The following OSBPL2 variants were observed in gnomAD, a reference collection of about 807,000 sequenced individuals.
OSBPL2 encodes the protein oxysterol-binding protein-related protein 2.
OSBPL2 carries 18 observed loss-of-function variants against 58.4 expected under a neutral mutation model. The ratio of observed to expected loss-of-function variants is 0.31; its 90% confidence interval spans 0.21 to 0.46. The LOEUF (loss-of-function observed/expected upper bound fraction) is 0.46, where lower values mean the gene tolerates loss of function less well. Ranked by LOEUF, OSBPL2 falls within the 20% of genes least tolerant of loss-of-function variation. The pLI, the probability that OSBPL2 is intolerant of heterozygous loss-of-function variation, is 1.00. For synonymous variants in OSBPL2, 221 were observed against 234.1 expected (o/e 0.94, Z 0.51); for missense variants, 461 against 616.5 (o/e 0.75, Z 2.67).
At chr20:62,279,960 G>T in intron 7 of OSBPL2, 4 of 1,303,826 alleles carry the variant, frequency 3.1e-6, no homozygotes, top group Non-Finnish European at 4.0e-6. Context: ...CCTCTGAGAG[G>T]CTGCTTGCCA....
chr20:62,266,492 C>A (rs935675273), intron 4 of OSBPL2, among the ~76,000 whole-genome samples: 1 of 152,170 alleles, frequency 6.6e-6, no homozygotes, highest in African/African-American at 2.4e-5. Flanking sequence ...GGCTGTGGCT[C>A]GTTCTGGATC....
chr20:62,283,906 A>T, intron 9 of OSBPL2, 140 bp from the exon 10 acceptor site: 1 of 818,430 alleles, frequency 1.2e-6, no homozygotes, highest in Non-Finnish European at 1.9e-6. Context: ...GCAAATTTTC[A>T]CCTTCGCATT....
At chr20:62,256,023 G>A (rs1326552572) in intron 1 of OSBPL2, 34 bp from the exon 2 acceptor site, 1 of 631,404 alleles carries the variant, frequency 1.6e-6, no homozygotes, top group Admixed American at 3.7e-5. Flanking sequence ...GAAACTTCTG[G>A]AAGCTAAGTA....
chr20:62,267,789 C>T (rs942805767), intron 4 of OSBPL2, among the ~76,000 whole-genome samples: 5 of 152,218 alleles, frequency 3.3e-5, no homozygotes, highest in Admixed American at 1.3e-4. Context: ...GCTCTGCTGC[C>T]GACAGTGTCT....
At chr20:62,251,976 G>A (rs6062170) in intron 1 of OSBPL2, among the ~76,000 whole-genome samples, 2 of 134,040 alleles carry the variant, frequency 1.5e-5, no homozygotes, top group African/African-American at 5.6e-5. Flanking sequence ...TGATGTCCCA[G>A]GCTCGAGTGA....
At chr20:62,240,681 T>A (rs1185588324) in intron 1 of OSBPL2, among the ~76,000 whole-genome samples, 1 of 152,252 alleles carries the variant, frequency 6.6e-6, no homozygotes, top group African/African-American at 2.4e-5. Flanking sequence ...TAGAATATTC[T>A]AATCATGCTG....
At chr20:62,275,665 C>G (rs1982341912) in intron 6 of OSBPL2, among the ~76,000 whole-genome samples, 1 of 151,954 alleles carries the variant, frequency 6.6e-6, no homozygotes, top group African/African-American at 2.4e-5. Flanking sequence ...CCAGGCTGCT[C>G]TTGAACTCCT....
chr20:62,272,367 C>A, intron 5 of OSBPL2, 108 bp downstream of exon 5: 1 of 1,221,108 alleles, frequency 8.2e-7, no homozygotes, highest in Non-Finnish European at 1.2e-6. Context: ...TCGCACAGCT[C>A]CCCCCAGTGT....
intron 6 of OSBPL2, among the ~76,000 whole-genome samples, chr20:62,276,846 G>A (rs1002639315): frequency 3.3e-5 from 5 of 152,252 alleles, no homozygotes; most frequent in Non-Finnish European, 7.3e-5. Flanking sequence ...CTCTTGAGCA[G>A]TATTCCTGTT....
intron 4 of OSBPL2, among the ~76,000 whole-genome samples, chr20:62,267,898 T>TATTG (rs59713495): frequency 2.8e-5 from 4 of 140,682 alleles, no homozygotes; most frequent in African/African-American, 1.0e-4. Flanking sequence ...TTTATTTATT[T>TATTG]TTTTGAGGGA....
In OSBPL2 at chr20:62,257,715, A is replaced by ATT. The variant is rs536036293; in HGVS notation, c.37+1510_37+1511dup. Among the ~76,000 whole-genome samples the ATT allele has an allele frequency of 8.7e-4, 112 of 129,236 alleles. 1 individual carries two copies. The highest frequency in any genetic ancestry group is 2.5e-3 in the African/African-American group (89 of 35,064). 84.8% of individuals were successfully genotyped at this position (129,236 alleles called of 152,430 possible). A position where few individuals can be genotyped will look rare whatever the true frequency, so the allele number is the denominator to read the frequency against. On this transcript the variant is annotated intron_variant, in intron 2 of 13. Coordinates refer to ENST00000313733, the MANE Select transcript of OSBPL2 (RefSeq NM_144498.4). ...GATACTTTCCCGAATACCTCTGGCC[A>ATT]TTTTTTTTTTTTTTTTTGAGCCAGA...
chr20:62,260,772 G>C (rs775531788), intron 3 of OSBPL2, among the ~76,000 whole-genome samples: 18 of 152,018 alleles, frequency 1.2e-4, no homozygotes, highest in Non-Finnish European at 2.4e-4. Context: ...TGGATCACTT[G>C]AGCCCAGGAG....
Position 62,295,795 on chromosome 20 carries a change from G to A in OSBPL2, c.*1908G>A, listed in dbSNP as rs1453802014. 6.6e-6 allele frequency: 1 copy of A among 152,218 alleles called. No individual in the cohort carries two copies. Among genetic ancestry groups the A allele is most frequent in the African/African-American group, 2.4e-5 (1 of 41,472 alleles). 9.4% of individuals were successfully genotyped at this position (152,218 alleles called of 1,614,324 possible). A position where few individuals can be genotyped will look rare whatever the true frequency, so the allele number is the denominator to read the frequency against. ...TTGCAAGCTGAGAACATCCAGAGGT[G>A]AGACTCAGACACATTGAAAGTGACT... On this transcript the variant is annotated 3_prime_UTR_variant, in exon 14 of 14. Transcript: ENST00000313733. This position sits in a 1 kb window ranked among gnomAD's most constrained non-coding sequence, Gnocchi z 4.8.
Position 62,286,617 on chromosome 20 carries a change from C to T in OSBPL2, c.1031C>T (p.Ala344Val). ...TCCGGGAAGGCTGACAGCGACGTGG[C>T]TGACGACGTGCCTGTGGCCCAGGAG... Reference protein sequence around the residue: ...EDSGKADSDVADDVPVAQETV... With the variant: ...EDSGKADSDVVDDVPVAQETV... Residue 344 changes from alanine (A) to valine (V), a missense_variant, in exon 11 of 14, where the codon GCT (alanine) becomes GTT (valine). Around this residue, in one of 5 missense-constraint regions of OSBPL2, gnomAD observed 319 missense variants for 419.2 expected, o/e 0.76. Transcript: ENST00000313733. The T allele has an allele frequency of 6.2e-7, 1 of 1,613,710 alleles. No individual in the cohort carries two copies. Among genetic ancestry groups the T allele is most frequent in the African/African-American group, 1.3e-5 (1 of 75,048 alleles).
At chr20:62,273,247 C>T (rs1057502161) in intron 5 of OSBPL2, 62 bp from the exon 6 acceptor site, 3 of 1,331,738 alleles carry the variant, frequency 2.3e-6, no homozygotes, top group Admixed American at 2.0e-5. Flanking sequence ...CACAAGAGGC[C>T]ATCTTCTCCA....
At chr20:62,273,438 T>A (rs1982195148) in intron 6 of OSBPL2, 32 bp downstream of exon 6, 1 of 1,461,752 alleles carries the variant, frequency 6.8e-7, no homozygotes, top group African/African-American at 1.4e-5. Context: ...ATAAATATCT[T>A]GTAAATGGAA....
At chr20:62,240,236 C>G (rs1979633280) in intron 1 of OSBPL2, among the ~76,000 whole-genome samples, 1 of 152,178 alleles carries the variant, frequency 6.6e-6, no homozygotes, top group Admixed American at 6.5e-5. Flanking sequence ...AGGACAGGAA[C>G]TTTGTCGGTG....
At position 62,260,137 on chromosome 20, in the gene OSBPL2, C is replaced by T. The variant is rs748210238; in HGVS notation, c.182+12C>T. The T allele has an allele frequency of 4.3e-5, 70 of 1,611,830 alleles. No individual in the cohort carries two copies. The highest frequency in any genetic ancestry group is 1.6e-4 in the Middle Eastern group (1 of 6,074). On this transcript the variant is annotated intron_variant, in intron 3 of 13. Transcript: ENST00000313733. The stretch of plus-strand genomic sequence containing the variant: ...ATTCAGAAACACAGGTATGTTCTCT[C>T]ACGTCTGCTGTTTCTAAAATGTGTC...
At chr20:62,279,826 C>A in intron 7 of OSBPL2, 1 of 477,574 alleles carries the variant, frequency 2.1e-6, no homozygotes, top group Non-Finnish European at 2.7e-6. Flanking sequence ...CAGGGCACTG[C>A]CTCCCACAGG....
Sources: allele counts gnomAD v4.1 joint callset (sites outside exome capture counted in the v4.1 genomes callset), GRCh38; gene constraint gnomAD v4.1.1; regional missense constraint gnomAD v4.1.1; non-coding constraint Gnocchi (gnomAD v3.1); transcripts MANE v1.5; gene names NCBI Gene and HGNC (gene_info 2026-07-23, HGNC 2026-07-21).